The following NRIP1 variants were observed in gnomAD, a reference collection of about 807,000 sequenced individuals.
NRIP1 encodes the protein nuclear receptor-interacting protein 1.
In NRIP1, 28 loss-of-function variants were observed where a neutral mutation model predicts 75.0. The ratio of observed to expected loss-of-function variants is 0.37; its 90% confidence interval spans 0.28 to 0.51. The LOEUF (loss-of-function observed/expected upper bound fraction) is 0.51. NRIP1 is among the 20% of genes least tolerant of loss of function. The pLI, the probability that NRIP1 is intolerant of heterozygous loss-of-function variation, is 0.92. For synonymous variants in NRIP1, 526 were observed against 487.6 expected (o/e 1.08, Z -1.04); for missense variants, 1,435 against 1,343.7 (o/e 1.07, Z -1.06).
rs1426836063 is a variant in NRIP1 at position 14,964,027 on chromosome 21, T to C, written c.*689A>G. ...ACAAAAAATGGAAATCTGCCTTTTT[T>C]TTAAAGGATCTATCAAACTTCCCTC... is the stretch of plus-strand genomic sequence containing the variant. On this transcript the variant is annotated 3_prime_UTR_variant, in exon 4 of 4. Coordinates refer to ENST00000318948, the MANE Select transcript of NRIP1 (RefSeq NM_003489.4). 1 of 152,576 alleles carries C rather than the reference T, an allele frequency of 6.6e-6. No homozygotes were observed. The highest frequency in any genetic ancestry group is 1.5e-5 in the Non-Finnish European group (1 of 68,012). 9.5% of individuals were successfully genotyped at this position (152,576 alleles called of 1,614,324 possible).
At chr21:14,998,358 T>C (rs1018558482) in intron 3 of NRIP1, among the ~76,000 whole-genome samples, 1 of 152,232 alleles carries the variant, frequency 6.6e-6, no homozygotes, top group African/African-American at 2.4e-5. Flanking sequence ...TGAATTAGAA[T>C]ATTTCTTGAA....
chr21:14,982,568 T>C (rs566064836), intron 3 of NRIP1, among the ~76,000 whole-genome samples: 8 of 152,132 alleles, frequency 5.3e-5, no homozygotes, highest in African/African-American at 1.9e-4. Context: ...CTCCATAGCC[T>C]GAGGGTAGTT....
intron 3 of NRIP1, among the ~76,000 whole-genome samples, chr21:14,996,521 C>A (rs1348291867): frequency 6.6e-6 from 1 of 152,170 alleles, no homozygotes; most frequent in Non-Finnish European, 1.5e-5. Flanking sequence ...GGCAAACAGT[C>A]TCCCCATTTT....
chr21:14,966,353 C>A lies in NRIP1; in HGVS notation c.1840G>T (p.Ala614Ser), dbSNP rs1470687899. The A allele has an allele frequency of 3.1e-6, 5 of 1,613,880 alleles. No homozygotes were observed. Among genetic ancestry groups the A allele is most frequent in the Non-Finnish European group, 4.2e-6 (5 of 1,179,968 alleles). The change falls in exon 4 of 4, where the codon GCC becomes TCC. Residue 614 changes from alanine (A) to serine (S), a missense_variant. Physicochemically the swap from Ala to Ser is moderately conservative, Grantham distance 99. Coordinates refer to ENST00000318948, the MANE Select transcript of NRIP1 (RefSeq NM_003489.4). ...KSKDPPGEKP[A>S]QNEGAQNSAT... ...GAGTTCTGTGCACCTTCATTTTGGG[C>A]TGGTTTCTCTCCTGGTGGGTCTTTG...
At chr21:14,994,982 A>T (rs1288349931) in intron 3 of NRIP1, among the ~76,000 whole-genome samples, 5 of 152,238 alleles carry the variant, frequency 3.3e-5, no homozygotes, top group Non-Finnish European at 7.3e-5. Context: ...TACAAAATAA[A>T]TCCAAAACCT....
At position 14,968,349 on chromosome 21, in the gene NRIP1, T is replaced by C. The variant is rs2086818040; in HGVS notation, c.-157A>G. On this transcript the variant is annotated 5_prime_UTR_variant, in exon 4 of 4. Transcript: ENST00000318948. ...CTGTTACATTCTGTCCAAGATTTCTTCTGGCAATGACAAGATAAATGCAGT... is the reference window on the plus strand; with the variant it reads ...CTGTTACATTCTGTCCAAGATTTCTCCTGGCAATGACAAGATAAATGCAGT... 1.6e-6 allele frequency: 1 copy of C among 622,162 alleles called. No individual in the cohort carries two copies. Among genetic ancestry groups the C allele is most frequent in the African/African-American group, 1.9e-5 (1 of 53,946 alleles). The allele number at this position is 622,162 out of a possible 1,614,324, so 38.5% of individuals were successfully genotyped here.
chr21:15,035,107 T>A (rs1187109516), intron 2 of NRIP1, among the ~76,000 whole-genome samples: 1 of 152,168 alleles, frequency 6.6e-6, no homozygotes, highest in Non-Finnish European at 1.5e-5. Flanking sequence ...CAAATATAAA[T>A]CTTAGGATTC....
chr21:15,044,274 ATTTCT>A (rs1415953061), intron 1 of NRIP1, among the ~76,000 whole-genome samples: 1 of 151,284 alleles, frequency 6.6e-6, no homozygotes, highest in Non-Finnish European at 1.5e-5. Context: ...GAAACACCTC[ATTTCT>A]TTTCTGTACC....
chr21:14,988,225 T>C (rs1055577946), intron 3 of NRIP1: 1 of 152,194 alleles, frequency 6.6e-6, no homozygotes, highest in Non-Finnish European at 1.5e-5. Context: ...ATTTACCTTA[T>C]AAAACTGTTG....
intron 2 of NRIP1, among the ~76,000 whole-genome samples, chr21:15,030,942 C>G (rs1336882285): frequency 2.0e-3 from 233 of 115,758 alleles, no homozygotes; most frequent in African/African-American, 6.8e-3. Flanking sequence ...CTGGAAGGCA[C>G]TCAGAGGATC....
Position 14,964,495 on chromosome 21 carries a change from T to G in NRIP1, c.*221A>C, listed in dbSNP as rs967057477. 4.2e-4 allele frequency: 179 copies of G among 421,300 alleles called. No individual in the cohort carries two copies. Among genetic ancestry groups the G allele is most frequent in the Non-Finnish European group, 5.8e-4 (138 of 238,966 alleles). The allele number at this position is 421,300 out of a possible 1,614,324, so 26.1% of individuals were successfully genotyped here. A position where few individuals can be genotyped will look rare whatever the true frequency, so the allele number is the denominator to read the frequency against. On this transcript the variant is annotated 3_prime_UTR_variant, in exon 4 of 4. Transcript: ENST00000318948. ...AGTTGTTATCTGATGCATACAGAAG[T>G]GTTAAACAACCAATTGCTAGTTCAG...
chr21:14,977,982 G>A (rs888892685), intron 3 of NRIP1, among the ~76,000 whole-genome samples: 3 of 152,154 alleles, frequency 2.0e-5, no homozygotes, highest in Non-Finnish European at 2.9e-5. Flanking sequence ...CAGAGACACC[G>A]GTGACGAAAA....
At chr21:15,040,464 T>C (rs892789565) in intron 2 of NRIP1, among the ~76,000 whole-genome samples, 4 of 152,080 alleles carry the variant, frequency 2.6e-5, no homozygotes, top group African/African-American at 9.7e-5. Context: ...GAATGAATAA[T>C]ATCAATTTTA....
chr21:15,018,264 G>C (rs2088282742), intron 2 of NRIP1, among the ~76,000 whole-genome samples: 1 of 152,090 alleles, frequency 6.6e-6, no homozygotes, highest in African/African-American at 2.4e-5. Flanking sequence ...CATCTGAGTT[G>C]AACAAATTGC....
At chr21:15,065,471 G>C (rs1272453295), upstream of NRIP1, among the ~76,000 whole-genome samples, 7 of 152,158 alleles carry the variant, frequency 4.6e-5, no homozygotes, top group African/African-American at 1.4e-4. Flanking sequence ...CTGGGGGCCG[G>C]GGCGCCCCAG....
At chr21:15,014,557 T>G (rs2088180518) in intron 2 of NRIP1, 91 bp from the exon 3 acceptor site, 1 of 397,824 alleles carries the variant, frequency 2.5e-6, no homozygotes, top group Admixed American at 4.4e-5. Context: ...CATTACCTTT[T>G]CTTGTTCAAG....
chr21:14,990,057 A>G (rs2087526950), intron 3 of NRIP1, among the ~76,000 whole-genome samples: 1 of 152,140 alleles, frequency 6.6e-6, no homozygotes, highest in South Asian at 2.1e-4. Flanking sequence ...CTAGACTATT[A>G]AGTGGAAGAG....
chr21:15,032,602 G>C (rs1223841741), intron 2 of NRIP1, among the ~76,000 whole-genome samples: 11 of 152,048 alleles, frequency 7.2e-5, no homozygotes, highest in Admixed American at 7.2e-4. Context: ...TTATTCTGTT[G>C]GTAAAACTTC....
chr21:15,002,874 C>G (rs1310022935), intron 3 of NRIP1, among the ~76,000 whole-genome samples: 1 of 152,090 alleles, frequency 6.6e-6, no homozygotes, highest in Non-Finnish European at 1.5e-5. Flanking sequence ...ATGTGCATTA[C>G]CAGTAATAAG....
Sources: allele counts gnomAD v4.1 joint callset (sites outside exome capture counted in the v4.1 genomes callset), GRCh38; gene constraint gnomAD v4.1.1; transcripts MANE v1.5; gene names NCBI Gene and HGNC (gene_info 2026-07-23, HGNC 2026-07-21).